G2E3: variants seen among roughly 807,000 people sequenced by gnomAD.
G2E3 encodes G2/M phase-specific E3 ubiquitin-protein ligase.
A neutral mutation model predicts 92.8 loss-of-function variants in G2E3; 35 were observed. The observed-to-expected ratio is 0.38, with a 90% CI of 0.29 to 0.50. The LOEUF is 0.50. Among genes scored for constraint, G2E3 ranks in the 20% least tolerant of loss-of-function variants. The pLI is 0.94. For synonymous variants in G2E3, 242 were observed against 272.4 expected (o/e 0.89, Z 1.10); for missense variants, 554 against 823.8 (o/e 0.67, Z 4.01).
rs1255995910 is a variant in G2E3 at position 30,603,515 on chromosome 14, A to G, written c.1010+1384A>G. On this transcript the variant is annotated intron_variant, in intron 10 of 14. Transcript: ENST00000206595. ...CCCAATAGGGAAGAAGTAGAAAATT[A>G]GTCGCTAAGCATGATGAAATACTTT... Among the ~76,000 whole-genome samples, 3 of 152,158 alleles carry G rather than the reference A, an allele frequency of 2.0e-5. No homozygotes were observed. The South Asian group carries it at 6.2e-4, about 31-fold the overall frequency.
intron 1 of G2E3, among the ~76,000 whole-genome samples, chr14:30,567,169 C>G (rs186625051): frequency 7.9e-5 from 12 of 152,088 alleles, no homozygotes; most frequent in African/African-American, 2.6e-4. Flanking sequence ...GCTTTGGTAT[C>G]GGGGTATTGG....
intron 1 of G2E3, among the ~76,000 whole-genome samples, chr14:30,564,302 T>A (rs1879300878): frequency 6.6e-6 from 1 of 152,192 alleles, no homozygotes; most frequent in South Asian, 2.1e-4. Context: ...AGGTGTACAT[T>A]TGACCTTTTT....
At chr14:30,589,249 T>C (rs1880878845) in intron 3 of G2E3, 134 bp from the exon 4 acceptor site, 2 of 569,922 alleles carry the variant, frequency 3.5e-6, no homozygotes, top group Admixed American at 5.9e-5. Flanking sequence ...GAAAAATAAC[T>C]ACTATAGATA....
intron 2 of G2E3, among the ~76,000 whole-genome samples, chr14:30,584,664 A>G (rs755191005): frequency 1.3e-5 from 2 of 151,992 alleles, no homozygotes; most frequent in Non-Finnish European, 2.9e-5. Context: ...AATGTGTTTA[A>G]TGGCTCTTTG....
chr14:30,605,454 C>T (rs1238142810), intron 10 of G2E3, 51 bp from the exon 11 acceptor site: 4 of 683,264 alleles, frequency 5.9e-6, no homozygotes, highest in South Asian at 2.4e-5. Flanking sequence ...TGCTGTTTCA[C>T]ATAAAGTACT....
intron 1 of G2E3, among the ~76,000 whole-genome samples, chr14:30,561,134 C>T (rs1413962653): frequency 6.6e-6 from 1 of 152,146 alleles, no homozygotes. Flanking sequence ...ACATAAGTCT[C>T]CAATTACATT....
intron 1 of G2E3, among the ~76,000 whole-genome samples, chr14:30,561,386 T>C (rs1879089211): frequency 6.6e-6 from 1 of 152,224 alleles, no homozygotes; most frequent in African/African-American, 2.4e-5. Flanking sequence ...TGTTGCTCCA[T>C]AAGTATCTCT....
chr14:30,580,991 C>A, intron 1 of G2E3, 85 bp from the exon 2 acceptor site: 1 of 764,986 alleles, frequency 1.3e-6, no homozygotes, highest in South Asian at 1.5e-5. Flanking sequence ...ACTTATTTGT[C>A]ATTATGCATT....
In G2E3 at chr14:30,619,499, T is replaced by C. The variant is rs1882466462; in HGVS notation, c.*2965T>C. 1 of 152,132 alleles carries C rather than the reference T, an allele frequency of 6.6e-6. No homozygotes were observed. Among genetic ancestry groups the C allele is most frequent in the South Asian group, 2.1e-4 (1 of 4,830 alleles). The allele number at this position is 152,132 out of a possible 1,614,324, so 9.4% of individuals were successfully genotyped here. On this transcript the variant is annotated 3_prime_UTR_variant, in exon 15 of 15. Transcript: ENST00000206595. The stretch of plus-strand genomic sequence containing the variant: ...ACTTTAAAATAAGCTATTAAACTAG[T>C]TTTTATGGTTCAAGTAATGCAATAC...
intron 5 of G2E3, 40 bp downstream of exon 5, chr14:30,592,487 A>G: frequency 6.8e-7 from 1 of 1,466,440 alleles, no homozygotes; most frequent in Middle Eastern, 1.8e-4. Context: ...TTCAGTGTTA[A>G]AGAATAGTGG....
chr14:30,592,532 A>C, intron 5 of G2E3, 85 bp downstream of exon 5: 1 of 1,066,482 alleles, frequency 9.4e-7, no homozygotes, highest in Non-Finnish European at 1.4e-6. Flanking sequence ...TACTACAATA[A>C]ATTTTCTGTT....
At chr14:30,571,000 C>T (rs1047078583) in intron 1 of G2E3, among the ~76,000 whole-genome samples, 1 of 151,974 alleles carries the variant, frequency 6.6e-6, no homozygotes, top group Non-Finnish European at 1.5e-5. Context: ...CTTTTTTTGT[C>T]TTGTGCTGTC....
chr14:30,614,433 A>T (rs921229112), intron 13 of G2E3, among the ~76,000 whole-genome samples: 1 of 152,190 alleles, frequency 6.6e-6, no homozygotes, highest in Non-Finnish European at 1.5e-5. Context: ...TGAGCACTCA[A>T]CCCATAGGTG....
At chr14:30,592,929 A>T (rs1881091928) in intron 5 of G2E3, among the ~76,000 whole-genome samples, 1 of 152,092 alleles carries the variant, frequency 6.6e-6, no homozygotes, top group Admixed American at 6.6e-5. Context: ...AGGTTTTATG[A>T]ATTTTGACTT....
intron 1 of G2E3, among the ~76,000 whole-genome samples, chr14:30,575,386 A>G (rs1209409304): frequency 6.6e-6 from 1 of 152,172 alleles, no homozygotes; most frequent in Non-Finnish European, 1.5e-5. Flanking sequence ...TCAAAATAAT[A>G]AGAGCCATCT....
In G2E3 at chr14:30,615,440, A is replaced by T. The variant is rs781147082; in HGVS notation, c.1765A>T (p.Ser589Cys). ...FCSILCHKPE[S>C]LSAKILSELF... ...TAGCATCCTGTGTCATAAACCTGAG[A>T]GTCTTTCTGCAAAAATCCTTAGTGA... The change falls in exon 14 of 15, where the codon AGT becomes TGT. Residue 589 changes from serine (S) to cysteine (C), a missense_variant. This residue lies in a region of G2E3 where 397 missense variants were observed against 560.3 expected (regional missense o/e 0.71). Coordinates refer to ENST00000206595, the MANE Select transcript of G2E3 (RefSeq NM_017769.5). The T allele has an allele frequency of 1.2e-6, 2 of 1,610,538 alleles. No individual in the cohort carries two copies.
Position 30,605,531 on chromosome 14 carries a change from T to G in G2E3, c.1037T>G (p.Val346Gly). The G allele has an allele frequency of 7.1e-7, 1 of 1,411,578 alleles. No individual in the cohort carries two copies. Among genetic ancestry groups the G allele is most frequent in the South Asian group, 1.3e-5 (1 of 78,448 alleles). The allele number at this position is 1,411,578 out of a possible 1,614,324, so 87.4% of individuals were successfully genotyped here. ...LRQGSKFRRN[V>G]STLLIELGFQ... ...CAAGGCAGCAAATTTAGAAGAAATG[T>G]ATCAACACTATTAATAGAGTTAGGA... is the stretch of plus-strand genomic sequence containing the variant. Residue 346 changes from valine (V) to glycine (G), a missense_variant, in exon 11 of 15, where the codon GTA becomes GGA. Around this residue, in one of 3 missense-constraint regions of G2E3, gnomAD observed 397 missense variants for 560.3 expected, o/e 0.71. Transcript: ENST00000206595.
chr14:30,566,533 A>G (rs982297591), intron 1 of G2E3, among the ~76,000 whole-genome samples: 13 of 152,022 alleles, frequency 8.6e-5, no homozygotes, highest in African/African-American at 3.1e-4. Flanking sequence ...TCCTTTTTGG[A>G]TTGTTCATTG....
At chr14:30,614,433 A>G (rs921229112) in intron 13 of G2E3, among the ~76,000 whole-genome samples, 4 of 152,190 alleles carry the variant, frequency 2.6e-5, no homozygotes, top group Non-Finnish European at 5.9e-5. Flanking sequence ...TGAGCACTCA[A>G]CCCATAGGTG....
Sources: gnomAD v4.1 joint callset for allele counts (sites outside exome capture counted in the v4.1 genomes callset) on GRCh38, gnomAD v4.1.1 for gene constraint, gnomAD v4.1.1 regional missense constraint, MANE v1.5 for transcripts, NCBI Gene and HGNC (gene_info 2026-07-23, HGNC 2026-07-21) for gene names.